ANKRD44: variants seen among roughly 807,000 people sequenced by gnomAD.
ANKRD44 encodes the protein ankyrin repeat domain 44.
In ANKRD44, 35 loss-of-function variants were observed where a neutral mutation model predicts 116.0. The observed-to-expected ratio is 0.30, with a 90% confidence interval of 0.23 to 0.40. The LOEUF (loss-of-function observed/expected upper bound fraction) is 0.40. ANKRD44 is among the 10% of genes least tolerant of loss of function. The pLI, the probability that ANKRD44 is intolerant of heterozygous loss-of-function variation, is 1.00. For synonymous variants in ANKRD44, 435 were observed against 461.8 expected (o/e 0.94, Z 0.74); for missense variants, 1,014 against 1,242.6 (o/e 0.82, Z 2.77).
At chr2:196,992,191 A>G (rs895656734) in intron 27 of ANKRD44, among the ~76,000 whole-genome samples, 4 of 152,220 alleles carry the variant, frequency 2.6e-5, no homozygotes, top group African/African-American at 4.8e-5. Context: ...GCACTTGCTC[A>G]GTAATTCAGA....
chr2:196,983,220 A>G (rs1326174070), downstream of ANKRD44, among the ~76,000 whole-genome samples: 1 of 147,452 alleles, frequency 6.8e-6, no homozygotes. Context: ...AAAATGACAG[A>G]AAAAAAAAAT....
chr2:197,200,075 T>G (rs1218926400), intron 1 of ANKRD44, among the ~76,000 whole-genome samples: 1 of 152,210 alleles, frequency 6.6e-6, no homozygotes, highest in African/African-American at 2.4e-5. Context: ...CCTAAAAGAC[T>G]GCCAAATATA....
intron 27 of ANKRD44, 117 bp from the exon 28 acceptor site, chr2:196,989,766 T>C: frequency 6.7e-7 from 1 of 1,497,750 alleles, no homozygotes; most frequent in Non-Finnish European, 8.9e-7. Flanking sequence ...CTTTTTTTGT[T>C]CCTTTTTGCA....
chr2:197,247,686 T>G (rs2082222902), intron 1 of ANKRD44, among the ~76,000 whole-genome samples: 1 of 152,162 alleles, frequency 6.6e-6, no homozygotes. Context: ...GGTTTAAAGA[T>G]GATGGGAACA....
chr2:197,262,485 C>G (rs779468763), intron 1 of ANKRD44, among the ~76,000 whole-genome samples: 3 of 152,182 alleles, frequency 2.0e-5, no homozygotes, highest in Non-Finnish European at 4.4e-5. Context: ...CTTTCTGAAG[C>G]CTTTTCTCAT....
Position 197,146,348 on chromosome 2 carries a change from G to A in ANKRD44, c.190+679C>T, listed in dbSNP as rs148574877. Among the ~76,000 whole-genome samples, 366 of 152,140 alleles carry A rather than the reference G, an allele frequency of 2.4e-3. 2 individuals are homozygous for A. The highest frequency in any genetic ancestry group is 8.0e-3 in the African/African-American group (332 of 41,492). On this transcript the variant is annotated intron_variant, in intron 3 of 27. Coordinates refer to ENST00000282272, the MANE Select transcript of ANKRD44 (RefSeq NM_001195144.2). Reference sequence around the variant, plus strand: ...ATCAATATGGTTCCTTGCCTTCCATGTTTTTATGCTTTCATCACATAGTCA... The same window carrying A: ...ATCAATATGGTTCCTTGCCTTCCATATTTTTATGCTTTCATCACATAGTCA...
Position 197,228,971 on chromosome 2 carries a change from G to A in ANKRD44, c.28-41865C>T, listed in dbSNP as rs181648161. Reference sequence around the variant, plus strand: ...AATCACTTGAACCTGGGAGGCAAAGGTTACAGTGAGCAGAGATTGTGCCAT... The same window carrying A: ...AATCACTTGAACCTGGGAGGCAAAGATTACAGTGAGCAGAGATTGTGCCAT... On this transcript the variant is annotated intron_variant, in intron 1 of 27. Transcript: ENST00000282272. Among the ~76,000 whole-genome samples, 123 of 152,306 alleles carry A rather than the reference G, an allele frequency of 8.1e-4. 1 individual carries two copies. Among genetic ancestry groups the A allele is most frequent in the Middle Eastern group, 6.8e-3 (2 of 294 alleles).
intron 1 of ANKRD44, among the ~76,000 whole-genome samples, chr2:197,244,262 CTA>C (rs1477415871): frequency 6.6e-6 from 1 of 152,192 alleles, no homozygotes; most frequent in African/African-American, 2.4e-5. Context: ...GGACAAGACT[CTA>C]TTAAGCAACT....
chr2:197,121,315 G>A lies in ANKRD44; in HGVS notation c.906+17C>T. ...TCAATGCAAAGGCATTCAACACAGA[G>A]ACTAAGAGTGTCATACCTGAATGTT... On this transcript the variant is annotated intron_variant, in intron 8 of 27. Transcript: ENST00000282272. The A allele has an allele frequency of 6.2e-7, 1 of 1,609,012 alleles. No homozygotes were observed. Among genetic ancestry groups the A allele is most frequent in the South Asian group, 1.1e-5 (1 of 90,916 alleles).
chr2:197,056,770 C>A (rs2077211426), intron 16 of ANKRD44, among the ~76,000 whole-genome samples: 1 of 151,926 alleles, frequency 6.6e-6, no homozygotes, highest in Non-Finnish European at 1.5e-5. Flanking sequence ...GTATAATGAC[C>A]TTATACCCTT....
intron 2 of ANKRD44, among the ~76,000 whole-genome samples, chr2:197,157,675 C>CAAAA (rs35588359): frequency 3.6e-5 from 3 of 83,036 alleles, no homozygotes; most frequent in Non-Finnish European, 4.3e-5. Context: ...GAGACTCTGT[C>CAAAA]AAAAAAAAAA....
At chr2:197,141,416 C>A (rs796769754) in intron 3 of ANKRD44, among the ~76,000 whole-genome samples, 4 of 152,052 alleles carry the variant, frequency 2.6e-5, no homozygotes, top group African/African-American at 9.7e-5. Context: ...TTTATATTTA[C>A]ACACTTTTAT....
intron 1 of ANKRD44, among the ~76,000 whole-genome samples, chr2:197,294,086 A>G (rs2083647665): frequency 6.6e-6 from 1 of 152,178 alleles, no homozygotes; most frequent in Admixed American, 6.5e-5. Context: ...GTTTCTCCCT[A>G]TGAAAAATGG....
chr2:197,235,209 T>C (rs552238125), intron 1 of ANKRD44, among the ~76,000 whole-genome samples: 1 of 152,380 alleles, frequency 6.6e-6, no homozygotes, highest in East Asian at 1.9e-4. Flanking sequence ...ATAAAAGAAC[T>C]AAATAGATTG....
intron 1 of ANKRD44, among the ~76,000 whole-genome samples, chr2:197,278,461 A>T (rs2083161158): frequency 6.6e-6 from 1 of 152,022 alleles, no homozygotes; most frequent in South Asian, 2.1e-4. Flanking sequence ...GGTTCAAGCA[A>T]TTCTCCTGCC....
intron 4 of ANKRD44, among the ~76,000 whole-genome samples, chr2:197,126,718 G>T (rs2078982176): frequency 1.3e-5 from 2 of 151,834 alleles, no homozygotes; most frequent in South Asian, 2.1e-4. Flanking sequence ...AGCCAAGCAT[G>T]GGCAACATAA....
At chr2:197,102,372 G>A (rs1242148523) in intron 9 of ANKRD44, among the ~76,000 whole-genome samples, 2 of 152,112 alleles carry the variant, frequency 1.3e-5, no homozygotes, top group African/African-American at 4.8e-5. Flanking sequence ...TTAATATGTG[G>A]TTTTGTCAGA....
rs2075790324 is a variant in ANKRD44 at position 196,980,058 on chromosome 2, GCTTTT to G, written c.2369-12617_2369-12613del. Among the ~76,000 whole-genome samples the G allele has an allele frequency of 2.0e-5, 3 of 152,082 alleles. No homozygotes were observed. The South Asian group carries it at 6.2e-4, about 32-fold the overall frequency. The stretch of plus-strand genomic sequence containing the variant: ...GGAACTATTGTTAGCACTCTGAAAG[GCTTTT>G]CTTTTTCAATATCTGAATGACATTG... On this transcript the variant is annotated intron_variant, in intron 21 of 21. Coordinates refer to the ANKRD44 transcript ENST00000424317.
At chr2:197,219,894 T>C (rs1347599763) in intron 1 of ANKRD44, among the ~76,000 whole-genome samples, 1 of 152,198 alleles carries the variant, frequency 6.6e-6, no homozygotes, top group African/African-American at 2.4e-5. Flanking sequence ...CCTTAGAGAA[T>C]ACGAAGGAAG....
Sources: allele counts gnomAD v4.1 joint callset (sites outside exome capture counted in the v4.1 genomes callset), GRCh38; gene constraint gnomAD v4.1.1; transcripts MANE v1.5; gene names NCBI Gene and HGNC (gene_info 2026-07-23, HGNC 2026-07-21).